DPP10: variants seen among roughly 807,000 people sequenced by gnomAD.
DPP10 encodes inactive dipeptidyl peptidase 10.
A neutral mutation model predicts 120.9 loss-of-function variants in DPP10; 33 were observed. That is an observed-to-expected ratio of 0.27 (90% CI 0.21 to 0.37). The LOEUF (loss-of-function observed/expected upper bound fraction) is 0.37. Among genes scored for constraint, DPP10 ranks in the 10% least tolerant of loss-of-function variants. The probability of loss-of-function intolerance (pLI) is 1.00; values close to 1 mark genes in which losing one functional copy is unlikely to be tolerated. For synonymous variants in DPP10, 337 were observed against 326.1 expected, an observed-to-expected ratio of 1.03 and a Z score of -0.36; for missense variants, 816 against 942.8, an observed-to-expected ratio of 0.87 and a Z score of 1.76.
chr2:115,154,355 A>G (rs72837540), intron 1 of DPP10, among the ~76,000 whole-genome samples: 2,936 of 152,300 alleles, frequency 0.019, 40 homozygotes, highest in Middle Eastern at 0.044. Flanking sequence ...AAGCAGTAGA[A>G]AATTCCATGC....
chr2:115,497,759 A>C (rs1225661203), intron 3 of DPP10, among the ~76,000 whole-genome samples: 1 of 152,102 alleles, frequency 6.6e-6, no homozygotes, highest in Non-Finnish European at 1.5e-5. Flanking sequence ...AGGACAGGAG[A>C]TCAAATCAGC....
intron 3 of DPP10, among the ~76,000 whole-genome samples, chr2:115,346,243 A>G (rs1430220152): frequency 1.3e-5 from 2 of 152,210 alleles, no homozygotes; most frequent in Non-Finnish European, 2.9e-5. Flanking sequence ...CCTCATTATC[A>G]ACAGTTATAT....
intron 1 of DPP10, among the ~76,000 whole-genome samples, chr2:115,206,958 G>A (rs926966267): frequency 6.6e-6 from 1 of 152,166 alleles, no homozygotes; most frequent in African/African-American, 2.4e-5. Flanking sequence ...AACAGAACAT[G>A]AATAAACCAA....
At chr2:114,769,542 C>T (rs1681059979) in intron 1 of DPP10, among the ~76,000 whole-genome samples, 1 of 152,150 alleles carries the variant, frequency 6.6e-6, no homozygotes, top group Non-Finnish European at 1.5e-5. Context: ...TGAGAAGTTG[C>T]TGAATTTTGT....
chr2:114,554,287 A>T (rs989519916), intron 1 of DPP10, among the ~76,000 whole-genome samples: 6 of 152,318 alleles, frequency 3.9e-5, no homozygotes, highest in Middle Eastern at 6.8e-3. Flanking sequence ...ACTGAATAGA[A>T]GATGCCAGCG....
At chr2:115,632,276 C>T (rs975294216) in intron 5 of DPP10, among the ~76,000 whole-genome samples, 2 of 151,954 alleles carry the variant, frequency 1.3e-5, no homozygotes, top group South Asian at 2.1e-4. Flanking sequence ...TAAATTTTCC[C>T]CCATCCCTTT....
intron 1 of DPP10, among the ~76,000 whole-genome samples, chr2:114,921,971 C>T (rs1695229020): frequency 6.6e-6 from 1 of 152,136 alleles, no homozygotes; most frequent in Non-Finnish European, 1.5e-5. Flanking sequence ...GGTTTAATGC[C>T]TTTATCATAA....
At chr2:115,692,252 T>C (rs1190919746) in intron 7 of DPP10, among the ~76,000 whole-genome samples, 1 of 152,036 alleles carries the variant, frequency 6.6e-6, no homozygotes. Context: ...CTGCAATTGA[T>C]GAGACATGCT....
chr2:115,399,034 C>T (rs181758749), intron 3 of DPP10, among the ~76,000 whole-genome samples: 388 of 152,092 alleles, frequency 2.6e-3, no homozygotes, highest in Non-Finnish European at 3.6e-3. Flanking sequence ...AGATTTGTAT[C>T]GTTGATTATG....
At chr2:115,437,606 T>C (rs1361957132) in intron 3 of DPP10, among the ~76,000 whole-genome samples, 1 of 152,006 alleles carries the variant, frequency 6.6e-6, no homozygotes, top group Non-Finnish European at 1.5e-5. Flanking sequence ...GCTTTGAAAA[T>C]TGAAAAACGA....
At chr2:115,686,837 T>C (rs1425219272) in intron 5 of DPP10, among the ~76,000 whole-genome samples, 1 of 152,018 alleles carries the variant, frequency 6.6e-6, no homozygotes, top group Non-Finnish European at 1.5e-5. Flanking sequence ...TTTGCAGAGA[T>C]GGGATGAATA....
intron 1 of DPP10, among the ~76,000 whole-genome samples, chr2:114,989,554 G>A (rs569759445): frequency 6.6e-6 from 1 of 152,290 alleles, no homozygotes; most frequent in South Asian, 2.1e-4. Context: ...ACACAATGAC[G>A]AATTTTGAGC....
At chr2:115,162,361 G>A (rs1475088964) in intron 1 of DPP10, 2 of 1,388,662 alleles carry the variant, frequency 1.4e-6, no homozygotes, top group Non-Finnish European at 1.9e-6. Flanking sequence ...GGGCCTCTTG[G>A]TTCCCCATTA....
chr2:114,517,691 A>G (rs1318254133), intron 1 of DPP10, among the ~76,000 whole-genome samples: 5 of 152,236 alleles, frequency 3.3e-5, no homozygotes, highest in Admixed American at 6.5e-5. Flanking sequence ...GCTATTTTTA[A>G]TCTGCAAATT....
chr2:115,150,977 T>C (rs2051511251), intron 1 of DPP10, among the ~76,000 whole-genome samples: 1 of 152,170 alleles, frequency 6.6e-6, no homozygotes, highest in Middle Eastern at 3.2e-3. Context: ...CTTTTTTTTA[T>C]TTAATGGCGA....
intron 1 of DPP10, among the ~76,000 whole-genome samples, chr2:114,895,751 C>T (rs539615695): frequency 6.6e-6 from 1 of 152,158 alleles, no homozygotes; most frequent in African/African-American, 2.4e-5. Flanking sequence ...AAAAAGTATT[C>T]AAACAGGAAT....
At chr2:114,610,040 C>T (rs775133782) in intron 1 of DPP10, among the ~76,000 whole-genome samples, 3 of 152,164 alleles carry the variant, frequency 2.0e-5, no homozygotes, top group Non-Finnish European at 2.9e-5. Flanking sequence ...ATCTGTTTCA[C>T]GCTTGCCTCG....
At chr2:115,613,220 G>T (rs900630186) in intron 5 of DPP10, among the ~76,000 whole-genome samples, 1 of 152,116 alleles carries the variant, frequency 6.6e-6, no homozygotes, top group African/African-American at 2.4e-5. Context: ...GATGTTCTTG[G>T]CATGGTATTG....
chr2:115,779,446 C>A (rs1356122201), intron 15 of DPP10, among the ~76,000 whole-genome samples: 1 of 151,908 alleles, frequency 6.6e-6, no homozygotes, highest in Non-Finnish European at 1.5e-5. Context: ...CACTAGGCAC[C>A]CCTGCAGGAG....
Sources: allele counts gnomAD v4.1 joint callset (sites outside exome capture counted in the v4.1 genomes callset), GRCh38; gene constraint gnomAD v4.1.1; transcripts MANE v1.5; gene names NCBI Gene and HGNC (gene_info 2026-07-23, HGNC 2026-07-21).